TTLL9: variants seen among roughly 807,000 people sequenced by gnomAD.
TTLL9 encodes the protein probable tubulin polyglutamylase TTLL9.
Under a neutral mutation model 65.6 loss-of-function variants are expected in TTLL9, and 47 were observed. The ratio of observed to expected loss-of-function variants is 0.72; its 90% confidence interval spans 0.57 to 0.91. The LOEUF is 0.91. TTLL9 is among the 40% of genes least tolerant of loss of function. TTLL9 has a pLI of 0.00. For missense variants in TTLL9, 537 were observed against 568.8 expected, an observed-to-expected ratio of 0.94 and a Z score of 0.57; for synonymous variants, 179 against 204.8, an observed-to-expected ratio of 0.87 and a Z score of 1.07.
intron 2 of TTLL9, among the ~76,000 whole-genome samples, chr20:31,878,294 G>A: frequency 6.6e-6 from 1 of 152,218 alleles, no homozygotes. Context: ...ATCTATTTCA[G>A]AAGGGAAGAA....
At chr20:31,918,380 C>CT (rs202089271) in intron 6 of TTLL9, among the ~76,000 whole-genome samples, 109 of 148,530 alleles carry the variant, frequency 7.3e-4, no homozygotes, top group Admixed American at 1.3e-3. Context: ...TTCTTTCTTT[C>CT]TTTTTTTTTT....
At chr20:31,902,059 T>G (rs2092363) in intron 4 of TTLL9, among the ~76,000 whole-genome samples, 54,856 of 151,990 alleles carry the variant, frequency 0.36, 10,215 homozygotes, top group South Asian at 0.53. Context: ...TGTATATATA[T>G]AGAATTTCGT....
chr20:31,873,731 A>G (rs2062981046), intron 2 of TTLL9, among the ~76,000 whole-genome samples: 6 of 138,540 alleles, frequency 4.3e-5, no homozygotes, highest in African/African-American at 1.6e-4. Context: ...AGAAAGAAAG[A>G]AAGAAAAAGG....
chr20:31,884,621 T>C (rs576306874), intron 2 of TTLL9, among the ~76,000 whole-genome samples: 70 of 152,344 alleles, frequency 4.6e-4, no homozygotes, highest in African/African-American at 1.5e-3. Context: ...CTGGAGGCTC[T>C]AGGAGAGAAA....
chr20:31,894,098 C>CTTTTTTTTTTTT (rs1162101774), intron 3 of TTLL9, among the ~76,000 whole-genome samples: 2 of 92,082 alleles, frequency 2.2e-5, no homozygotes, highest in African/African-American at 4.2e-5. Context: ...CCATTTGGTT[C>CTTTTTTTTTTTT]TTTTTTTTTT....
intron 2 of TTLL9, chr20:31,872,924 G>A (rs987033789): frequency 3.3e-5 from 16 of 481,850 alleles, no homozygotes; most frequent in East Asian, 1.2e-4. Flanking sequence ...CTCTTCTGTC[G>A]GATAAAAATC....
chr20:31,913,791 T>C (rs866264149), intron 6 of TTLL9, among the ~76,000 whole-genome samples: 8 of 152,230 alleles, frequency 5.3e-5, no homozygotes, highest in African/African-American at 1.9e-4. Flanking sequence ...GTGTAAACAT[T>C]GCATCGCTCT....
In TTLL9 at chr20:31,934,733, G is replaced by T; in HGVS notation, c.849G>T (p.Ala283=). 1.2e-6 allele frequency: 2 copies of T among 1,612,502 alleles called. No individual in the cohort carries two copies. The highest frequency in any genetic ancestry group is 1.7e-6 in the Non-Finnish European group (2 of 1,179,910). The stretch of plus-strand genomic sequence containing the variant: ...TGCAGCGCTTCCGGCAGTACCTGGC[G>T]TCCAAACACGGGCCCGAGGCAGTGG... ...WTLQRFRQYL[A]SKHGPEAVET... Residue 283 remains alanine, a synonymous_variant, in exon 12 of 15, where the codon GCG becomes GCT. Coordinates refer to ENST00000535842, the MANE Select transcript of TTLL9 (RefSeq NM_001008409.5).
intron 3 of TTLL9, among the ~76,000 whole-genome samples, chr20:31,894,064 T>C (rs993372647): frequency 5.3e-5 from 8 of 151,842 alleles, no homozygotes; most frequent in Admixed American, 5.3e-4. Flanking sequence ...ATTTCAGATA[T>C]TATAGTTTTC....
chr20:31,920,227 G>GCA (rs1271389019), intron 7 of TTLL9, among the ~76,000 whole-genome samples: 11 of 102,002 alleles, frequency 1.1e-4, no homozygotes, highest in African/African-American at 3.3e-4. Context: ...AAGCAAACAC[G>GCA]CGCACACACA....
Position 31,912,603 on chromosome 20 carries a change from A to ATGTGTG in TTLL9, c.504+2717_504+2722dup, listed in dbSNP as rs61107814. 3.8e-3 allele frequency among the ~76,000 whole-genome samples: 533 copies of ATGTGTG among 141,092 alleles called. 3 individuals carry two copies. Among genetic ancestry groups the ATGTGTG allele is most frequent in the South Asian group, 6.4e-3 (26 of 4,040 alleles). The allele number at this position is 141,092 out of a possible 152,430, so 92.6% of individuals were successfully genotyped here. A position where few individuals can be genotyped will look rare whatever the true frequency, so the allele number is the denominator to read the frequency against. ...AGTGTGTGTGTGTGCGTGTATGTGT[A>ATGTGTG]TGTGTGTGTGTGTGTGTGTGTGTGT... On this transcript the variant is annotated intron_variant, in intron 6 of 14. Transcript: ENST00000535842.
chr20:31,938,289 G>A, intron 13 of TTLL9: 2 of 448,894 alleles, frequency 4.5e-6, no homozygotes, highest in Non-Finnish European at 9.0e-6. Flanking sequence ...CCACCTCCTA[G>A]GGAGTGGGGT....
chr20:31,890,157 CTTT>C (rs1322381846), intron 3 of TTLL9, among the ~76,000 whole-genome samples: 52 of 99,800 alleles, frequency 5.2e-4, no homozygotes, highest in South Asian at 2.1e-3. Flanking sequence ...TTCCTTCCTT[CTTT>C]CTTTCTTTCT....
chr20:31,898,637 C>G (rs888229894), intron 4 of TTLL9, 72 bp downstream of exon 4: 123 of 1,426,658 alleles, frequency 8.6e-5, no homozygotes, highest in Non-Finnish European at 1.2e-4. Flanking sequence ...TTGTTTTTCT[C>G]CCAGTTCCCC....
At position 31,933,854 on chromosome 20, in the gene TTLL9, A is replaced by G. The variant is rs776873638; in HGVS notation, c.803A>G (p.Lys268Arg). ...VQKTSPDYHP[K>R]KGCKWTLQRF... ...AAAACATCTCCCGACTACCACCCAA[A>G]GAAGGTGAGGAAGCCGGGCTCGGCT... Residue 268 changes from lysine to arginine, a missense_variant, in exon 11 of 15, where the codon AAG becomes AGG. Coordinates refer to ENST00000535842, the MANE Select transcript of TTLL9 (RefSeq NM_001008409.5). 6.2e-7 allele frequency: 1 copy of G among 1,613,994 alleles called. No homozygotes were observed.
intron 3 of TTLL9, among the ~76,000 whole-genome samples, chr20:31,888,681 C>T (rs1289220595): frequency 1.3e-5 from 2 of 152,076 alleles, no homozygotes; most frequent in Non-Finnish European, 2.9e-5. Flanking sequence ...GTAATTGGCT[C>T]ATGTTTCTAC....
intron 3 of TTLL9, among the ~76,000 whole-genome samples, chr20:31,896,283 G>A (rs968202998): frequency 2.0e-5 from 3 of 152,070 alleles, no homozygotes; most frequent in Non-Finnish European, 2.9e-5. Flanking sequence ...CGGCCCCCTG[G>A]CCCTATTTTG....
intron 4 of TTLL9, among the ~76,000 whole-genome samples, chr20:31,907,155 A>G (rs1454241434): frequency 6.6e-6 from 1 of 152,222 alleles, no homozygotes; most frequent in African/African-American, 2.4e-5. Context: ...CTGAGGCCTG[A>G]GTTCAAATCC....
intron 6 of TTLL9, among the ~76,000 whole-genome samples, chr20:31,915,005 A>G (rs114495570): frequency 2.4e-4 from 37 of 152,366 alleles, no homozygotes; most frequent in African/African-American, 8.2e-4. Flanking sequence ...ATTAACAATT[A>G]AAGAGGATCT....
Sources: allele counts gnomAD v4.1 joint callset (sites outside exome capture counted in the v4.1 genomes callset), GRCh38; gene constraint gnomAD v4.1.1; transcripts MANE v1.5; gene names NCBI Gene and HGNC (gene_info 2026-07-23, HGNC 2026-07-21).